CPS1: variants seen among roughly 807,000 people sequenced by gnomAD.
CPS1 encodes the protein carbamoyl-phosphate synthase 1, also known as carbamoyl-phosphate synthase [ammonia], mitochondrial.
Under a neutral mutation model 174.6 loss-of-function variants are expected in CPS1, and 109 were observed. That is an observed-to-expected ratio of 0.62 (90% confidence interval 0.53 to 0.73). The LOEUF (loss-of-function observed/expected upper bound fraction) is 0.73, where lower values mean the gene tolerates loss of function less well. Ranked by LOEUF, CPS1 falls within the 30% of genes least tolerant of loss-of-function variation. CPS1 has a pLI of 0.00. For missense variants in CPS1, 1,689 were observed against 1,821.9 expected (o/e 0.93, Z 1.33); for synonymous variants, 637 against 632.0 (o/e 1.01, Z -0.12).
intron 1 of CPS1, among the ~76,000 whole-genome samples, chr2:210,534,072 G>A (rs1277053682): frequency 1.3e-5 from 2 of 152,206 alleles, no homozygotes; most frequent in Non-Finnish European, 2.9e-5. Flanking sequence ...ATACAGCCAT[G>A]TTGGATGTTC....
At chr2:210,650,844 C>G (rs1700537160) in intron 28 of CPS1, among the ~76,000 whole-genome samples, 1 of 148,756 alleles carries the variant, frequency 6.7e-6, no homozygotes, top group Non-Finnish European at 1.5e-5. Flanking sequence ...TGAAAGCTTT[C>G]CTGATTTTTA....
At chr2:210,486,359 TC>T in intron 1 of CPS1, among the ~76,000 whole-genome samples, 1 of 152,180 alleles carries the variant, frequency 6.6e-6, no homozygotes, top group African/African-American at 2.4e-5. Context: ...CTTTTCATTC[TC>T]TTAAATGTCT....
Position 210,507,894 on chromosome 2 carries a change from T to TA in CPS1, c.3+30129dup, listed in dbSNP as rs1463128862. 4.6e-5 allele frequency among the ~76,000 whole-genome samples: 7 copies of TA among 150,734 alleles called. No individual in the cohort carries two copies. The East Asian group carries it at 1.2e-3, about 25-fold the overall frequency. ...TTCATAAAGCAAGTCCTTAGAGACC[T>TA]ACAAAGAGACTTAGACTCCCACACA... On this transcript the variant is annotated intron_variant, in intron 1 of 38. Transcript: ENST00000430249.
At chr2:210,638,897 G>A (rs549347693) in intron 22 of CPS1, among the ~76,000 whole-genome samples, 4 of 152,180 alleles carry the variant, frequency 2.6e-5, no homozygotes, top group East Asian at 1.9e-4. Flanking sequence ...ACCACTTTGC[G>A]ATGTTCATGA....
chr2:210,531,843 G>A (rs576095513), intron 1 of CPS1, among the ~76,000 whole-genome samples: 1 of 152,178 alleles, frequency 6.6e-6, no homozygotes, highest in Non-Finnish European at 1.5e-5. Context: ...TGTGGTACAT[G>A]GTTTTCTAGA....
intron 1 of CPS1, among the ~76,000 whole-genome samples, chr2:210,538,899 C>T (rs1443364831): frequency 2.0e-5 from 3 of 151,952 alleles, no homozygotes; most frequent in Non-Finnish European, 4.4e-5. Flanking sequence ...AAATAATTTC[C>T]TCTATCAGAG....
chr2:210,486,115 T>TACACACACACACAC (rs60740361), intron 1 of CPS1, among the ~76,000 whole-genome samples: 18 of 135,660 alleles, frequency 1.3e-4, no homozygotes, highest in Non-Finnish European at 2.0e-4. Flanking sequence ...CACACACACA[T>TACACACACACACAC]ACACACACAC....
chr2:210,549,213 C>T (rs1696652095), intron 1 of CPS1, among the ~76,000 whole-genome samples: 1 of 151,974 alleles, frequency 6.6e-6, no homozygotes, highest in Non-Finnish European at 1.5e-5. Flanking sequence ...TAGGGTTGCT[C>T]TTTAGAATCT....
At chr2:210,633,776 A>C (rs1699944182) in intron 21 of CPS1, among the ~76,000 whole-genome samples, 1 of 152,244 alleles carries the variant, frequency 6.6e-6, no homozygotes, top group Admixed American at 6.5e-5. Context: ...ACAAACAAAT[A>C]GAAAAACCTG....
intron 29 of CPS1, among the ~76,000 whole-genome samples, chr2:210,656,130 T>C (rs539676047): frequency 1.6e-4 from 24 of 152,362 alleles, no homozygotes; most frequent in African/African-American, 5.8e-4. Flanking sequence ...TTATACCATT[T>C]ACCTAGATAG....
At chr2:210,616,297 G>C (rs1406298215) in intron 20 of CPS1, 126 bp from the exon 21 acceptor site, 2 of 732,798 alleles carry the variant, frequency 2.7e-6, no homozygotes, top group African/African-American at 3.5e-5. Flanking sequence ...TTCATGTTTT[G>C]TAACTCAGTC....
At chr2:210,641,202 G>T (rs1165741450) in intron 24 of CPS1, among the ~76,000 whole-genome samples, 1 of 152,108 alleles carries the variant, frequency 6.6e-6, no homozygotes, top group Admixed American at 6.5e-5. Flanking sequence ...GCTCACTGTA[G>T]CCTTGATGTC....
intron 1 of CPS1, among the ~76,000 whole-genome samples, chr2:210,547,108 GCCTAAGA>G (rs1696584132): frequency 6.6e-6 from 1 of 152,080 alleles, no homozygotes; most frequent in African/African-American, 2.4e-5. Context: ...CATTGTGTTT[GCCTAAGA>G]GCTGAGCCAA....
chr2:210,629,977 G>T (rs1250449998), intron 21 of CPS1, among the ~76,000 whole-genome samples: 1 of 151,898 alleles, frequency 6.6e-6, no homozygotes, highest in Non-Finnish European at 1.5e-5. Context: ...AGAGGCTGAG[G>T]CAGGAGAATG....
At chr2:210,605,364 A>G (rs1698871713) in intron 17 of CPS1, 118 bp downstream of exon 17, 10 of 1,119,470 alleles carry the variant, frequency 8.9e-6, no homozygotes, top group Middle Eastern at 2.0e-4. Flanking sequence ...CAGACTAGTG[A>G]TAACATTTTG....
At position 210,595,532 on chromosome 2, in the gene CPS1, C is replaced by G; in HGVS notation, c.1309C>G (p.Gln437Glu). Residue 437 changes from glutamine (Q) to glutamate (E), a missense_variant, in exon 13 of 38, where the codon CAG becomes GAG. Physicochemically the swap from Gln to Glu is conservative, Grantham distance 29. Coordinates refer to ENST00000233072, the MANE Select transcript of CPS1 (RefSeq NM_001875.5). ...ILGSGGLSIG[Q>E]AGEFDYSGSQ... The stretch of plus-strand genomic sequence containing the variant: ...AGGATCAGGAGGTCTGTCCATTGGT[C>G]AGGCTGGAGAATTTGATTACTCAGG... 1.2e-6 allele frequency: 2 copies of G among 1,611,560 alleles called. No individual in the cohort carries two copies. The highest frequency in any genetic ancestry group is 1.7e-6 in the Non-Finnish European group (2 of 1,178,420).
chr2:210,653,955 A>T, intron 28 of CPS1, 70 bp from the exon 29 acceptor site: 1 of 1,200,702 alleles, frequency 8.3e-7, no homozygotes, highest in Non-Finnish European at 1.2e-6. Context: ...TACTTAAAGT[A>T]CATGGCTTAT....
chr2:210,588,724 C>G (rs1698189963), intron 7 of CPS1, among the ~76,000 whole-genome samples: 1 of 152,042 alleles, frequency 6.6e-6, no homozygotes, highest in Non-Finnish European at 1.5e-5. Flanking sequence ...CACATCTCCC[C>G]TCCATACACA....
chr2:210,546,251 A>T (rs1696562163), intron 1 of CPS1, among the ~76,000 whole-genome samples: 1 of 152,118 alleles, frequency 6.6e-6, no homozygotes, highest in African/African-American at 2.4e-5. Context: ...CTTATGGACT[A>T]TGAGAGGTCA....
Sources: allele counts gnomAD v4.1 joint callset (sites outside exome capture counted in the v4.1 genomes callset), GRCh38; gene constraint gnomAD v4.1.1; transcripts MANE v1.5; gene names NCBI Gene and HGNC (gene_info 2026-07-23, HGNC 2026-07-21).